Variants in GRK5 observed in about 807,000 individuals in gnomAD.
GRK5 encodes the protein G protein-coupled receptor kinase 5, also known as g protein-coupled receptor kinase GRK5.
GRK5 carries 40 observed loss-of-function variants against 78.4 expected under a neutral mutation model. That is an observed-to-expected ratio of 0.51 (90% confidence interval 0.40 to 0.66). GRK5 has a LOEUF of 0.66. Among genes scored for constraint, GRK5 ranks in the 30% least tolerant of loss-of-function variants. The pLI is 0.00. For missense variants in GRK5, 598 were observed against 759.9 expected (o/e 0.79, Z 2.50); for synonymous variants, 289 against 296.8 (o/e 0.97, Z 0.27).
intron 1 of GRK5, among the ~76,000 whole-genome samples, chr10:119,248,982 A>G (rs2133750710): frequency 6.6e-6 from 1 of 152,216 alleles, no homozygotes; most frequent in Admixed American, 6.5e-5. Flanking sequence ...TAAAATGGAG[A>G]TACTAGCTGG....
intron 1 of GRK5, among the ~76,000 whole-genome samples, chr10:119,232,287 A>G (rs1344303772): frequency 1.3e-5 from 2 of 152,208 alleles, no homozygotes; most frequent in African/African-American, 4.8e-5. Context: ...AAGTTGATTC[A>G]TAGAAGTAAA....
chr10:119,393,252 C>T (rs917615453), intron 3 of GRK5, among the ~76,000 whole-genome samples: 1 of 152,260 alleles, frequency 6.6e-6, no homozygotes, highest in African/African-American at 2.4e-5. Context: ...TGAGAAAGGC[C>T]TTTTGATCCC....
chr10:119,275,587 G>GCGCT (rs1554901459), intron 1 of GRK5, among the ~76,000 whole-genome samples: 2 of 130,558 alleles, frequency 1.5e-5, no homozygotes, highest in African/African-American at 5.5e-5. Flanking sequence ...GCGTGTGCAC[G>GCGCT]CTCTCTCTCT....
chr10:119,323,540 C>T (rs952630815), intron 1 of GRK5, among the ~76,000 whole-genome samples: 1 of 152,104 alleles, frequency 6.6e-6, no homozygotes, highest in African/African-American at 2.4e-5. Flanking sequence ...TCTAGGCTGC[C>T]TGAATGAGGG....
chr10:119,443,026 T>C (rs1324912781), intron 11 of GRK5, among the ~76,000 whole-genome samples: 2 of 152,214 alleles, frequency 1.3e-5, no homozygotes, highest in Admixed American at 6.5e-5. Context: ...GGCTCTTGTG[T>C]GCAAACCAGC....
rs1473154028 is a variant in GRK5, at chr10:119,444,909, C to G, written c.1266+1157C>G. On this transcript the variant is annotated intron_variant, in intron 12 of 15. Coordinates refer to ENST00000392870, the MANE Select transcript of GRK5 (RefSeq NM_005308.3). ...GATTAAAAGTCGCAATGCTTCTGCT[C>G]AGGAAGACCTGAGATCTGCGCCGCA... Among the ~76,000 whole-genome samples, 5 of 152,230 alleles carry G rather than the reference C, an allele frequency of 3.3e-5. No individual in the cohort carries two copies. In the South Asian group the frequency reaches 1.0e-3, roughly 31 times the overall value.
chr10:119,305,296 C>T (rs1428218456), intron 1 of GRK5, among the ~76,000 whole-genome samples: 1 of 152,186 alleles, frequency 6.6e-6, no homozygotes, highest in Non-Finnish European at 1.5e-5. Context: ...TCAGGTGTGT[C>T]TCAGAGACCT....
intron 1 of GRK5, among the ~76,000 whole-genome samples, chr10:119,224,400 ATTTATTT>A (rs2133714424): frequency 6.7e-6 from 1 of 149,472 alleles, no homozygotes; most frequent in Non-Finnish European, 1.5e-5. Flanking sequence ...TTATTTATTT[ATTTATTT>A]ATTTATTTAT....
chr10:119,226,725 C>CT (rs933484760), intron 1 of GRK5, among the ~76,000 whole-genome samples: 21 of 148,834 alleles, frequency 1.4e-4, no homozygotes, highest in Admixed American at 3.4e-4. Flanking sequence ...TTTTCTTTTT[C>CT]TTTTTTTTGT....
intron 2 of GRK5, among the ~76,000 whole-genome samples, chr10:119,332,552 T>A (rs903216114): frequency 6.6e-6 from 1 of 152,238 alleles, no homozygotes; most frequent in Non-Finnish European, 1.5e-5. Context: ...ACATTCATAA[T>A]TGAAGGAAGT....
intron 1 of GRK5, among the ~76,000 whole-genome samples, chr10:119,265,272 G>C (rs1306067690): frequency 2.0e-5 from 3 of 152,220 alleles, no homozygotes; most frequent in African/African-American, 7.2e-5. Context: ...CTGAGGCTCA[G>C]GGTAGAGAAA....
At chr10:119,454,140 A>G (rs1293463766) in intron 15 of GRK5, among the ~76,000 whole-genome samples, 1 of 152,204 alleles carries the variant, frequency 6.6e-6, no homozygotes, top group African/African-American at 2.4e-5. Context: ...ATAAAAATAC[A>G]ACGCTTCAAT....
At chr10:119,387,168 C>G (rs1197039232) in intron 3 of GRK5, among the ~76,000 whole-genome samples, 1 of 152,114 alleles carries the variant, frequency 6.6e-6, no homozygotes, top group African/African-American at 2.4e-5. Context: ...CCACACCCAG[C>G]TAATTTTGTA....
At chr10:119,326,918 T>C (rs984605876) in intron 2 of GRK5, among the ~76,000 whole-genome samples, 6 of 152,248 alleles carry the variant, frequency 3.9e-5, no homozygotes, top group African/African-American at 1.4e-4. Flanking sequence ...ATGGGGAAAC[T>C]GAGGCACAGA....
chr10:119,361,223 G>T (rs1851357171), intron 2 of GRK5, among the ~76,000 whole-genome samples: 1 of 152,360 alleles, frequency 6.6e-6, no homozygotes, highest in South Asian at 2.1e-4. Flanking sequence ...CGCATCAGAG[G>T]TGCGGCTCAT....
chr10:119,346,291 C>T (rs1203162293), intron 2 of GRK5, among the ~76,000 whole-genome samples: 1 of 152,222 alleles, frequency 6.6e-6, no homozygotes, highest in Non-Finnish European at 1.5e-5. Flanking sequence ...CATGCCCGTG[C>T]AGCCCTAGGG....
intron 12 of GRK5, among the ~76,000 whole-genome samples, chr10:119,447,918 C>T (rs1398165911): frequency 1.3e-5 from 2 of 152,240 alleles, no homozygotes; most frequent in Non-Finnish European, 2.9e-5. Flanking sequence ...TTCCTGCTCT[C>T]CTGTCCCATC....
chr10:119,330,199 G>C (rs934413193), intron 2 of GRK5: 1 of 152,102 alleles, frequency 6.6e-6, no homozygotes, highest in African/African-American at 2.4e-5. Flanking sequence ...AGCATGGGCT[G>C]CTTTAACAAA....
rs901949267 is a variant in GRK5 at position 119,217,241 on chromosome 10, C to A, written c.52+9272C>A. 6.6e-6 allele frequency among the ~76,000 whole-genome samples: 1 copy of A among 152,102 alleles called. No individual in the cohort carries two copies. The highest frequency in any genetic ancestry group is 2.4e-5 in the African/African-American group (1 of 41,408). On this transcript the variant is annotated intron_variant, in intron 1 of 15. Transcript: ENST00000392870. This position sits in a 1 kb window ranked among gnomAD's most constrained non-coding sequence, Gnocchi z 4.1. ...TGGGAATATAATTTCTGTCTCAGAC[C>A]GTGATTTCAGCTGAGGGCCAGTTTG...
Sources: gnomAD v4.1 joint callset for allele counts (sites outside exome capture counted in the v4.1 genomes callset) on GRCh38, gnomAD v4.1.1 for gene constraint, Gnocchi (gnomAD v3.1) non-coding constraint, MANE v1.5 for transcripts, NCBI Gene and HGNC (gene_info 2026-07-23, HGNC 2026-07-21) for gene names.